The following HK2 variants were observed in gnomAD, a reference collection of about 807,000 sequenced individuals.
HK2 encodes hexokinase 2, also known as hexokinase-2.
Under a neutral mutation model 92.9 loss-of-function variants are expected in HK2, and 42 were observed. The ratio of observed to expected loss-of-function variants is 0.45; its 90% CI spans 0.35 to 0.58. The LOEUF is 0.58. Ranked by LOEUF, HK2 falls within the 20% of genes least tolerant of loss-of-function variation. HK2 has a pLI of 0.00. For missense variants in HK2, 978 were observed against 1,245.1 expected (o/e 0.79, Z 3.23); for synonymous variants, 422 against 468.0 (o/e 0.90, Z 1.27).
intron 5 of HK2, 100 bp downstream of exon 5, chr2:74,873,471 GCTT>G: frequency 1.3e-6 from 1 of 785,174 alleles, no homozygotes; most frequent in Non-Finnish European, 2.2e-6. Context: ...CTTACGTGGA[GCTT>G]AAGGAGAGTT....
intron 2 of HK2, among the ~76,000 whole-genome samples, chr2:74,865,548 C>T (rs1005943737): frequency 4.6e-5 from 7 of 152,058 alleles, no homozygotes; most frequent in Admixed American, 3.3e-4. Context: ...GCTGAGTTCC[C>T]ACTACCAGGG....
At chr2:74,871,170 C>T (rs1253666765) in intron 3 of HK2, among the ~76,000 whole-genome samples, 6 of 152,170 alleles carry the variant, frequency 3.9e-5, no homozygotes, top group Non-Finnish European at 8.8e-5. Context: ...CTGCTATAGT[C>T]GGTCTGTGGG....
At chr2:74,850,334 C>G (rs972320652) in intron 1 of HK2, among the ~76,000 whole-genome samples, 2 of 152,286 alleles carry the variant, frequency 1.3e-5, no homozygotes, top group African/African-American at 4.8e-5. Flanking sequence ...GCAGAAGTAT[C>G]AGAAAGCAGA....
chr2:74,836,567 C>G (rs911744669), intron 1 of HK2, among the ~76,000 whole-genome samples: 1 of 152,150 alleles, frequency 6.6e-6, no homozygotes, highest in Admixed American at 6.5e-5. Context: ...TTTTCTCTAC[C>G]CTTGCAGCCA....
chr2:74,853,247 T>C (rs28362981), intron 1 of HK2, among the ~76,000 whole-genome samples: 24,732 of 151,922 alleles, frequency 0.16, 4,491 homozygotes, highest in African/African-American at 0.45. Flanking sequence ...CCGGGTGTGG[T>C]GGCTCGCTCC....
At chr2:74,858,753 G>A (rs773502675) in intron 2 of HK2, among the ~76,000 whole-genome samples, 1 of 152,226 alleles carries the variant, frequency 6.6e-6, no homozygotes, top group Non-Finnish European at 1.5e-5. Context: ...TTATCTAATT[G>A]TAATCAAAGT....
intron 15 of HK2, among the ~76,000 whole-genome samples, chr2:74,886,951 C>T (rs1689553962): frequency 6.6e-6 from 1 of 152,194 alleles, no homozygotes; most frequent in Non-Finnish European, 1.5e-5. Context: ...GTTGAAGCAC[C>T]TGCTGCTGAC....
At chr2:74,857,379 TGTTGCTGTAAA>T (rs1688719162) in intron 2 of HK2, among the ~76,000 whole-genome samples, 1 of 152,250 alleles carries the variant, frequency 6.6e-6, no homozygotes, top group Admixed American at 6.5e-5. Context: ...TTCATTTTTG[TGTTGCTGTAAA>T]GTGGGACATA....
chr2:74,887,902 G>T lies in HK2; in HGVS notation c.2220-1G>T. The T allele has an allele frequency of 6.2e-7, 1 of 1,613,590 alleles. No individual in the cohort carries two copies. Reference sequence around the variant, plus strand: ...CTCCATGAATGTTACTTGCATTGCAGGTTCGAGAAAATGATCAGTGGAATG... The same window carrying T: ...CTCCATGAATGTTACTTGCATTGCATGTTCGAGAAAATGATCAGTGGAATG... On this transcript the variant is annotated splice_acceptor_variant, in intron 15 of 17. Coordinates refer to ENST00000290573, the MANE Select transcript of HK2 (RefSeq NM_000189.5). LOFTEE classifies it high-confidence loss of function.
In HK2 at chr2:74,870,552, C is replaced by CT. The variant is rs1217005892; in HGVS notation, c.376-1748_376-1747insT. Among the ~76,000 whole-genome samples, 3 of 135,992 alleles carry CT rather than the reference C, an allele frequency of 2.2e-5. No homozygotes were observed. In the East Asian group the frequency reaches 6.2e-4, roughly 28 times the overall value. 89.2% of individuals were successfully genotyped at this position (135,992 alleles called of 152,430 possible). ...ATCTCTTTGCACAACTTCTGCATCT[C>CT]CCTTTTTTTTTTTTTTTTTTTTTGG... On this transcript the variant is annotated intron_variant, in intron 3 of 17. Transcript: ENST00000290573.
chr2:74,882,311 C>T, intron 12 of HK2, 72 bp downstream of exon 12: 1 of 1,607,576 alleles, frequency 6.2e-7, no homozygotes, highest in East Asian at 2.3e-5. Flanking sequence ...AGGTATGGAG[C>T]AGGGGAGAAA....
At position 74,885,377 on chromosome 2, in the gene HK2, G is replaced by C. The variant is rs17847145; in HGVS notation, c.1840-117G>C. 320 of 744,522 alleles carry C rather than the reference G, an allele frequency of 4.3e-4. 3 individuals are homozygous for C. In the East Asian group the frequency reaches 8.1e-3, roughly 19 times the overall value. 46.1% of individuals were successfully genotyped at this position (744,522 alleles called of 1,614,324 possible). A position where few individuals can be genotyped will look rare whatever the true frequency, so the allele number is the denominator to read the frequency against. On this transcript the variant is annotated intron_variant, in intron 12 of 17. Transcript: ENST00000290573. ...TTAATTTGCGGGTGAGATGATTGGT[G>C]ACTCTGGGGGATCCGTCTGACCTGT... is the stretch of plus-strand genomic sequence containing the variant.
chr2:74,878,413 C>CTGTG (rs56015017), intron 8 of HK2, among the ~76,000 whole-genome samples: 110 of 149,912 alleles, frequency 7.3e-4, no homozygotes, highest in Non-Finnish European at 1.2e-3. Flanking sequence ...CCGTGTGTCT[C>CTGTG]TGTGTGTGTG....
chr2:74,877,421 A>G, intron 8 of HK2, 100 bp downstream of exon 8: 2 of 1,347,232 alleles, frequency 1.5e-6, no homozygotes, highest in Middle Eastern at 3.6e-4. Flanking sequence ...CTCTTCAAGT[A>G]TAGACTGCAA....
chr2:74,864,674 T>G (rs1256221905), intron 2 of HK2, among the ~76,000 whole-genome samples: 2 of 152,214 alleles, frequency 1.3e-5, no homozygotes, highest in East Asian at 3.9e-4. Context: ...GCCCGGCAAA[T>G]TTTTGTATTA....
chr2:74,886,548 A>T lies in HK2; in HGVS notation c.2094A>T (p.Gly698=). The T allele has an allele frequency of 6.2e-7, 1 of 1,613,892 alleles. No homozygotes were observed. The highest frequency in any genetic ancestry group is 8.5e-7 in the Non-Finnish European group (1 of 1,179,926). ...EEMRNVELVE[G]EEGRMCVNME... Reference sequence around the variant, plus strand: ...TGCGCAACGTGGAACTGGTGGAAGGAGAAGAGGGGCGGATGTGTGTGAACA... The same window carrying T: ...TGCGCAACGTGGAACTGGTGGAAGGTGAAGAGGGGCGGATGTGTGTGAACA... The change falls in exon 15 of 18, where the codon GGA becomes GGT. Residue 698 remains glycine, a synonymous_variant. Transcript: ENST00000290573.
intron 2 of HK2, among the ~76,000 whole-genome samples, chr2:74,862,405 G>C (rs1025580242): frequency 1.3e-5 from 2 of 152,226 alleles, no homozygotes; most frequent in African/African-American, 4.8e-5. Context: ...TTGGTCCTCT[G>C]TGCAGCAGCA....
chr2:74,882,266 C>T (rs372950834), intron 12 of HK2, 27 bp downstream of exon 12: 10 of 1,613,436 alleles, frequency 6.2e-6, no homozygotes, highest in African/African-American at 1.3e-5. Flanking sequence ...GGAGGGCTCT[C>T]CTGTGGGCTT....
chr2:74,861,783 A>T (rs149023979), intron 2 of HK2, among the ~76,000 whole-genome samples: 118 of 152,348 alleles, frequency 7.7e-4, no homozygotes, highest in African/African-American at 2.7e-3. Flanking sequence ...GCTCAAGTAC[A>T]ACCCAACTGA....
Sources: gnomAD v4.1 joint callset for allele counts (sites outside exome capture counted in the v4.1 genomes callset) on GRCh38, gnomAD v4.1.1 for gene constraint, MANE v1.5 for transcripts, NCBI Gene and HGNC (gene_info 2026-07-23, HGNC 2026-07-21) for gene names.